CTNNA2: variants seen among roughly 807,000 people sequenced by gnomAD.
The protein encoded by CTNNA2 is catenin alpha-2.
CTNNA2 carries 42 observed loss-of-function variants against 101.0 expected under a neutral mutation model. The observed-to-expected ratio is 0.42, with a 90% CI of 0.32 to 0.54. CTNNA2 has a LOEUF of 0.54. Ranked by LOEUF, CTNNA2 falls within the 20% of genes least tolerant of loss-of-function variation. The pLI, the probability that CTNNA2 is intolerant of heterozygous loss-of-function variation, is 0.14. For missense variants in CTNNA2, 871 were observed against 1,223.1 expected (o/e 0.71, Z 4.29); for synonymous variants, 450 against 456.4 (o/e 0.99, Z 0.18).
intron 9 of CTNNA2, among the ~76,000 whole-genome samples, chr2:80,536,316 C>A (rs984457952): frequency 6.6e-6 from 1 of 152,078 alleles, no homozygotes; most frequent in African/African-American, 2.4e-5. Flanking sequence ...TATATGGCCA[C>A]ATGACTGACT....
chr2:80,014,192 A>G (rs1693978065), intron 7 of CTNNA2, among the ~76,000 whole-genome samples: 1 of 152,066 alleles, frequency 6.6e-6, no homozygotes, highest in South Asian at 2.1e-4. Context: ...ATTTTTATCA[A>G]AATTTAATTC....
chr2:80,042,216 T>C (rs1442274445), intron 7 of CTNNA2, among the ~76,000 whole-genome samples: 4 of 152,174 alleles, frequency 2.6e-5, no homozygotes. Flanking sequence ...CCACCTGCCT[T>C]GGCCTCCCAA....
In CTNNA2 at chr2:79,219,511, CTTTA is replaced by C. The variant is rs535599308; in HGVS notation, c.-406+21439_-406+21442del. Among the ~76,000 whole-genome samples the C allele has an allele frequency of 5.8e-4, 88 of 152,172 alleles. 1 individual carries two copies. The highest frequency in any genetic ancestry group is 2.0e-3 in the African/African-American group (82 of 41,510). On this transcript the variant is annotated intron_variant, in intron 2 of 21. Coordinates refer to the CTNNA2 transcript ENST00000466387. The stretch of plus-strand genomic sequence containing the variant: ...AATAGCCATATGTGGCTAGTGACTA[CTTTA>C]TTTGTTAAACTTGTGAGGTTAAGGT...
chr2:79,872,064 T>C (rs1682625837), intron 5 of CTNNA2, among the ~76,000 whole-genome samples: 2 of 152,228 alleles, frequency 1.3e-5, no homozygotes, highest in South Asian at 4.1e-4. Context: ...TTTGGTATAT[T>C]TTCTTTCAGA....
intron 3 of CTNNA2, among the ~76,000 whole-genome samples, chr2:79,765,815 T>C (rs1325174016): frequency 1.3e-5 from 2 of 152,216 alleles, no homozygotes; most frequent in East Asian, 1.9e-4. Context: ...TGACTAATAG[T>C]GTATATTCTG....
intron 3 of CTNNA2, among the ~76,000 whole-genome samples, chr2:79,793,103 T>C (rs986386266): frequency 6.6e-6 from 1 of 152,088 alleles, no homozygotes; most frequent in Non-Finnish European, 1.5e-5. Context: ...AAGTGGAATA[T>C]CTCTGGTGAG....
chr2:79,767,211 C>T (rs566391373), intron 3 of CTNNA2, among the ~76,000 whole-genome samples: 4 of 152,152 alleles, frequency 2.6e-5, no homozygotes, highest in African/African-American at 9.6e-5. Context: ...TTATTTCAAT[C>T]TCCGTTAAAT....
At chr2:80,619,281 G>A in intron 18 of CTNNA2, 53 bp downstream of exon 18, 1 of 1,415,214 alleles carries the variant, frequency 7.1e-7, no homozygotes, top group South Asian at 1.7e-5. Context: ...CATGAATTCT[G>A]AAGGCAGGGG....
At chr2:80,357,229 ATTTTTTTTTTG>A (rs1384197717) in intron 7 of CTNNA2, among the ~76,000 whole-genome samples, 114 of 130,256 alleles carry the variant, frequency 8.8e-4, no homozygotes, top group African/African-American at 2.3e-3. Flanking sequence ...TCAAAATAGC[ATTTTTTTTTTG>A]TTTTTTTTTT....
chr2:79,564,014 G>A (rs1674955479), intron 1 of CTNNA2, among the ~76,000 whole-genome samples: 1 of 152,086 alleles, frequency 6.6e-6, no homozygotes, highest in Admixed American at 6.5e-5. Flanking sequence ...GGGCACCAAT[G>A]GAGATGGAGA....
chr2:79,527,474 CAAAAAA>C (rs58822666), intron 1 of CTNNA2, among the ~76,000 whole-genome samples: 10 of 85,234 alleles, frequency 1.2e-4, no homozygotes, highest in African/African-American at 3.1e-4. Flanking sequence ...ACTAAAAATA[CAAAAAA>C]AAAAAAAAAA....
At chr2:80,164,190 A>G (rs1704515084) in intron 7 of CTNNA2, among the ~76,000 whole-genome samples, 1 of 151,276 alleles carries the variant, frequency 6.6e-6, no homozygotes, top group African/African-American at 2.4e-5. Flanking sequence ...CTGCCATTTT[A>G]TTTTTTGTTT....
chr2:79,876,264 C>T (rs1438042084), intron 6 of CTNNA2, among the ~76,000 whole-genome samples: 1 of 151,852 alleles, frequency 6.6e-6, no homozygotes, highest in Admixed American at 6.6e-5. Flanking sequence ...TGAATGAGCC[C>T]ATATTTCAGG....
chr2:80,137,985 A>G (rs540145202), intron 7 of CTNNA2, among the ~76,000 whole-genome samples: 1 of 152,260 alleles, frequency 6.6e-6, no homozygotes, highest in Non-Finnish European at 1.5e-5. Context: ...GCATATGGAC[A>G]AGTTCAAACT....
rs1426441694 is a variant in CTNNA2 at position 79,797,934 on chromosome 2, A to G, written c.298+53352A>G. 4.6e-5 allele frequency among the ~76,000 whole-genome samples: 7 copies of G among 152,134 alleles called. No homozygotes were observed. In the South Asian group the frequency reaches 8.3e-4, roughly 18 times the overall value. ...TTTTTTTATATTTATACCAGATTTTACATGAATGGTTTCTGCATCCCTCTT... is the reference window on the plus strand; with the variant it reads ...TTTTTTTATATTTATACCAGATTTTGCATGAATGGTTTCTGCATCCCTCTT... On this transcript the variant is annotated intron_variant, in intron 3 of 18. Transcript: ENST00000402739.
chr2:79,464,867 T>C (rs1328847592), intron 4 of CTNNA2, among the ~76,000 whole-genome samples: 1 of 152,200 alleles, frequency 6.6e-6, no homozygotes, highest in Non-Finnish European at 1.5e-5. Context: ...AAGTTCTTTG[T>C]AGATTCTGGA....
chr2:80,421,106 C>T (rs1385897337), intron 9 of CTNNA2, among the ~76,000 whole-genome samples: 2 of 151,042 alleles, frequency 1.3e-5, no homozygotes, highest in East Asian at 2.0e-4. Flanking sequence ...AAGGGGAAGG[C>T]GGAGAAGGAG....
At position 79,401,483 on chromosome 2, in the gene CTNNA2, T is replaced by C. The variant is rs570560174; in HGVS notation, c.-135+27470T>C. 5.9e-5 allele frequency among the ~76,000 whole-genome samples: 9 copies of C among 151,800 alleles called. No homozygotes were observed. The South Asian group carries it at 1.9e-3, about 31-fold the overall frequency. On this transcript the variant is annotated intron_variant, in intron 4 of 21. Coordinates refer to the CTNNA2 transcript ENST00000466387. ...ACAAACATACCATGAGAAAGAGTTA[T>C]GTCAGAGCAAATATTTGTATACTAT...
intron 9 of CTNNA2, among the ~76,000 whole-genome samples, chr2:80,436,483 A>C (rs1218333306): frequency 6.6e-6 from 1 of 152,044 alleles, no homozygotes; most frequent in East Asian, 1.9e-4. Context: ...TTGGGGAAGC[A>C]TGGGTTCAAA....
Sources: gnomAD v4.1 joint callset for allele counts (sites outside exome capture counted in the v4.1 genomes callset) on GRCh38, gnomAD v4.1.1 for gene constraint, MANE v1.5 for transcripts, NCBI Gene and HGNC (gene_info 2026-07-23, HGNC 2026-07-21) for gene names.